The following LIMCH1 variants were observed in gnomAD, a reference collection of about 807,000 sequenced individuals.
LIMCH1 encodes LIM and calponin homology domains 1.
A neutral mutation model predicts 176.5 loss-of-function variants in LIMCH1; 113 were observed. The ratio of observed to expected loss-of-function variants is 0.64; its 90% confidence interval spans 0.55 to 0.75. The LOEUF is 0.75. Ranked by LOEUF, LIMCH1 falls within the 30% of genes least tolerant of loss-of-function variation. LIMCH1 has a pLI of 0.00. For synonymous variants in LIMCH1, 619 were observed against 645.9 expected (o/e 0.96, Z 0.63); for missense variants, 1,674 against 1,814.9 (o/e 0.92, Z 1.41).
At chr4:41,370,866 T>C (rs945933246) in intron 1 of LIMCH1, among the ~76,000 whole-genome samples, 7 of 152,130 alleles carry the variant, frequency 4.6e-5, no homozygotes, top group African/African-American at 1.7e-4. Context: ...AAGATACTTC[T>C]CAAGCAAGCA....
At chr4:41,443,192 C>CTTTT (rs916559501) in intron 1 of LIMCH1, among the ~76,000 whole-genome samples, 37 of 39,710 alleles carry the variant, frequency 9.3e-4, no homozygotes, top group East Asian at 1.3e-3. Context: ...TGTTTTTTTT[C>CTTTT]TTTTTTTTTT....
chr4:41,591,938 A>G (rs776648281), intron 1 of LIMCH1, among the ~76,000 whole-genome samples: 4 of 152,232 alleles, frequency 2.6e-5, no homozygotes, highest in Non-Finnish European at 4.4e-5. Flanking sequence ...TGCTCTGTGC[A>G]GGAGATAAAG....
At chr4:41,525,873 C>T (rs7665701) in intron 3 of LIMCH1, among the ~76,000 whole-genome samples, 79,757 of 151,884 alleles carry the variant, frequency 0.53, 23,899 homozygotes, top group African/African-American at 0.83. Context: ...ACTCTGGACC[C>T]TGGAGCTCTG....
Position 41,697,901 on chromosome 4 carries a change from C to A in LIMCH1, c.*716C>A, listed in dbSNP as rs530512880. The stretch of plus-strand genomic sequence containing the variant: ...CCTTGCAATATCAGCTAGATTTACA[C>A]TCCGGGACGTTGCCCAAAGGTAGGA... On this transcript the variant is annotated 3_prime_UTR_variant, in exon 32 of 32. Transcript: ENST00000503057. 1.2e-4 allele frequency: 18 copies of A among 152,280 alleles called. 1 individual carries two copies. The highest frequency in any genetic ancestry group is 1.0e-3 in the Admixed American group (16 of 15,300). The allele number at this position is 152,280 out of a possible 1,614,324, so 9.4% of individuals were successfully genotyped here.
At chr4:41,677,466 A>G (rs6837759) in intron 23 of LIMCH1, among the ~76,000 whole-genome samples, 86,366 of 152,058 alleles carry the variant, frequency 0.57, 25,399 homozygotes, top group African/African-American at 0.66. Context: ...GGTAAAAGCT[A>G]CTGATTATCA....
At chr4:41,391,025 C>CA (rs1469784262) in intron 1 of LIMCH1, among the ~76,000 whole-genome samples, 14 of 152,108 alleles carry the variant, frequency 9.2e-5, no homozygotes, top group Admixed American at 5.9e-4. Context: ...GTTTGCCACA[C>CA]ACTTTTTTTT....
chr4:41,541,543 C>T (rs748753743), intron 1 of LIMCH1, among the ~76,000 whole-genome samples: 6 of 152,254 alleles, frequency 3.9e-5, no homozygotes, highest in Non-Finnish European at 8.8e-5. Context: ...ACCGTTTCCT[C>T]ACCTTTGCCA....
chr4:41,633,782 T>C lies in LIMCH1; in HGVS notation c.2064T>C (p.Ser688=). ...FAKQQDVEES[S]KGLPMKDQRY... is the part of the protein sequence containing the mutation. Reference sequence around the variant, plus strand: ...AGCAACAGGATGTGGAAGAATCTTCTAAAGGTCTACCCATGAAAGATCAGA... The same window carrying C: ...AGCAACAGGATGTGGAAGAATCTTCCAAAGGTCTACCCATGAAAGATCAGA... The change falls in exon 13 of 32, where the codon TCT becomes TCC. Residue 688 remains serine (S), a synonymous_variant. Coordinates refer to ENST00000503057, the MANE Select transcript of LIMCH1 (RefSeq NM_001330672.2). 4 of 1,536,204 alleles carry C rather than the reference T, an allele frequency of 2.6e-6. No homozygotes were observed. The highest frequency in any genetic ancestry group is 3.5e-6 in the Non-Finnish European group (4 of 1,146,930).
intron 3 of LIMCH1, among the ~76,000 whole-genome samples, chr4:41,528,224 A>G (rs977111059): frequency 1.3e-5 from 2 of 152,284 alleles, no homozygotes; most frequent in Middle Eastern, 3.4e-3. Context: ...AAGGAAAGGA[A>G]GGAAGGAAGG....
At chr4:41,382,083 G>C (rs1435311478) in intron 1 of LIMCH1, among the ~76,000 whole-genome samples, 2 of 152,228 alleles carry the variant, frequency 1.3e-5, no homozygotes, top group African/African-American at 4.8e-5. Context: ...GTGCTACCTA[G>C]TTTCTGACCG....
chr4:41,561,175 T>C (rs1032244053), intron 1 of LIMCH1, among the ~76,000 whole-genome samples: 2 of 152,308 alleles, frequency 1.3e-5, no homozygotes, highest in Admixed American at 1.3e-4. Flanking sequence ...AACCTAAATA[T>C]GAAAGGAAAA....
chr4:41,631,064 A>G (rs2093294679), intron 9 of LIMCH1, 84 bp from the exon 10 acceptor site: 4 of 1,117,060 alleles, frequency 3.6e-6, no homozygotes, highest in African/African-American at 3.6e-5. Context: ...AACTACTTCT[A>G]GTTTTTTTTT....
At chr4:41,635,618 A>C (rs1272001947) in intron 13 of LIMCH1, among the ~76,000 whole-genome samples, 6 of 152,208 alleles carry the variant, frequency 3.9e-5, no homozygotes, top group Non-Finnish European at 7.3e-5. Flanking sequence ...GGTCAGGTGA[A>C]CTATGTGACA....
chr4:41,595,496 G>A (rs565637490), intron 1 of LIMCH1, among the ~76,000 whole-genome samples: 3 of 152,126 alleles, frequency 2.0e-5, no homozygotes, highest in African/African-American at 7.2e-5. Context: ...ACCTCTCTGT[G>A]CCTCAACTAC....
chr4:41,416,827 C>A (rs1223623811), intron 1 of LIMCH1, among the ~76,000 whole-genome samples: 1 of 151,986 alleles, frequency 6.6e-6, no homozygotes, highest in African/African-American at 2.4e-5. Context: ...CCCCAAAGGC[C>A]AAGGGAGCTG....
chr4:41,602,358 A>T (rs1023082924), intron 2 of LIMCH1, among the ~76,000 whole-genome samples: 2 of 152,152 alleles, frequency 1.3e-5, no homozygotes, highest in Admixed American at 1.3e-4. Flanking sequence ...AAGTATTTCC[A>T]CATAATAGGT....
chr4:41,378,463 A>T (rs2055119557), intron 1 of LIMCH1, among the ~76,000 whole-genome samples: 3 of 152,250 alleles, frequency 2.0e-5, no homozygotes, highest in Non-Finnish European at 2.9e-5. Flanking sequence ...CTTGATATAA[A>T]GTCAAGTGCT....
intron 3 of LIMCH1, among the ~76,000 whole-genome samples, chr4:41,526,010 T>C (rs1482571501): frequency 6.6e-6 from 1 of 152,126 alleles, no homozygotes; most frequent in East Asian, 1.9e-4. Flanking sequence ...AAAACCTCAA[T>C]TTAAAATGGA....
intron 1 of LIMCH1, among the ~76,000 whole-genome samples, chr4:41,594,098 C>T (rs2088217754): frequency 6.6e-6 from 1 of 152,144 alleles, no homozygotes; most frequent in Non-Finnish European, 1.5e-5. Flanking sequence ...AAATCATGAT[C>T]ACACCTAAAA....
Sources: gnomAD v4.1 joint callset for allele counts (sites outside exome capture counted in the v4.1 genomes callset) on GRCh38, gnomAD v4.1.1 for gene constraint, MANE v1.5 for transcripts, NCBI Gene and HGNC (gene_info 2026-07-23, HGNC 2026-07-21) for gene names.